The following KIFC2 variants were observed in gnomAD, a reference collection of about 807,000 sequenced individuals.
KIFC2 encodes kinesin-like protein KIFC2.
In KIFC2, 94 loss-of-function variants were observed where a neutral mutation model predicts 91.5. That is an observed-to-expected ratio of 1.03 (90% confidence interval 0.87 to 1.22). The LOEUF (loss-of-function observed/expected upper bound fraction) is 1.22, where lower values mean the gene tolerates loss of function less well. Among genes scored for constraint, KIFC2 ranks in the 50% most tolerant of loss-of-function variants. KIFC2 has a pLI of 0.00. For synonymous variants in KIFC2, 729 were observed against 503.9 expected (o/e 1.45, Z -5.98); for missense variants, 1,357 against 1,103.3 (o/e 1.23, Z -3.26).
Position 144,467,587 on chromosome 8 carries a change from A to C in KIFC2, c.572A>C (p.Asp191Ala). 8 of 1,602,986 alleles carry C rather than the reference A, an allele frequency of 5.0e-6. No homozygotes were observed. Among genetic ancestry groups the C allele is most frequent in the Non-Finnish European group, 6.8e-6 (8 of 1,174,290 alleles). Residue 191 changes from aspartate (D) to alanine (A), a missense_variant, in exon 5 of 18, where the codon GAT becomes GCT. Physicochemically the swap from Asp to Ala is moderately radical, Grantham distance 126. Coordinates refer to ENST00000645548, the MANE Select transcript of KIFC2 (RefSeq NM_001369769.2). ...CAGCAGCCCCTCCAGTTGGAGGAGG[A>C]TCAGAGGGCGTGGCAGCGGCTGGAG... ...QGQQPLQLEE[D>A]QRAWQRLEQL...
Position 144,466,601 on chromosome 8 carries a change from A to G in KIFC2, c.99+83A>G, listed in dbSNP as rs926241677. On this transcript the variant is annotated intron_variant, in intron 1 of 17. Coordinates refer to ENST00000645548, the MANE Select transcript of KIFC2 (RefSeq NM_001369769.2). Reference sequence around the variant, plus strand: ...CGAGGTTCCCGGGGCGGGGGCGGGCACGGGGCGCGGGGCGACGGGGCCGTG... The same window carrying G: ...CGAGGTTCCCGGGGCGGGGGCGGGCGCGGGGCGCGGGGCGACGGGGCCGTG... The G allele has an allele frequency of 2.6e-5, 22 of 846,516 alleles. No individual in the cohort carries two copies. The African/African-American group carries it at 3.0e-4, about 11-fold the overall frequency. 52.4% of individuals were successfully genotyped at this position (846,516 alleles called of 1,614,324 possible).
At position 144,468,384 on chromosome 8, in the gene KIFC2, C is replaced by A; in HGVS notation, c.866C>A (p.Thr289Asn). ...GGCCGGCTTCAGGAGGCCCAAGACA[C>A]CACAGAAGCCCTCCGAGCCCAGGTG... ...LQGRLQEAQD[T>N]TEALRAQLGV... The change falls in exon 8 of 18, where the codon ACC becomes AAC. Residue 289 changes from threonine (T) to asparagine (N), a missense_variant. Coordinates refer to ENST00000645548, the MANE Select transcript of KIFC2 (RefSeq NM_001369769.2). The A allele has an allele frequency of 6.2e-7, 1 of 1,612,976 alleles. No homozygotes were observed.
chr8:144,471,251 C>T (rs538669193), intron 12 of KIFC2, among the ~76,000 whole-genome samples: 6 of 151,976 alleles, frequency 3.9e-5, no homozygotes, highest in Non-Finnish European at 7.4e-5. Flanking sequence ...GCGTGAGCCA[C>T]CTCGCCCAGC....
rs900752912 is a variant in KIFC2 at position 144,472,849 on chromosome 8, C to T, written c.1916C>T (p.Ala639Val). 7 of 1,551,138 alleles carry T rather than the reference C, an allele frequency of 4.5e-6. No individual in the cohort carries two copies. The highest frequency in any genetic ancestry group is 1.7e-4 in the Middle Eastern group (1 of 5,716). ...TCCGAACGCGCACGGAAGGCAGGGG[C>T]GGCCGGCCCGCCGCGGGGAGACCCA... ...AGSERARKAG[A>V]AGPPRGDPDG... The change falls in exon 17 of 18, where the codon GCG (alanine) becomes GTG (valine). Residue 639 changes from alanine (A) to valine (V), a missense_variant. Transcript: ENST00000645548.
intron 15 of KIFC2, 27 bp from the exon 16 acceptor site, chr8:144,472,550 T>G (rs773012632): frequency 3.1e-6 from 5 of 1,611,898 alleles, no homozygotes; most frequent in Non-Finnish European, 3.4e-6. Flanking sequence ...ACCCTGCACC[T>G]GACCAGCCCT....
Position 144,469,335 on chromosome 8 carries a change from AAGGGCCCCCAGCCGGATGCCC to A in KIFC2, c.1184_1204del (p.Pro395_Gly401del), listed in dbSNP as rs761176198. The stretch of plus-strand genomic sequence containing the variant: ...GGCACTCAGCTCCCTGAGGGGCAGC[AAGGGCCCCCAGCCGGATGCCC>A]AGGGCGGCTGCCAGAACTCAAGGGT... On this transcript the variant is annotated inframe_deletion, in exon 11 of 18. Coordinates refer to ENST00000645548, the MANE Select transcript of KIFC2 (RefSeq NM_001369769.2). 2 of 1,608,238 alleles carry A rather than the reference AAGGGCCCCCAGCCGGATGCCC, an allele frequency of 1.2e-6. No individual in the cohort carries two copies. Among genetic ancestry groups the A allele is most frequent in the African/African-American group, 2.7e-5 (2 of 74,708 alleles).
At chr8:144,468,203 G>C in intron 7 of KIFC2, 126 bp from the exon 8 acceptor site, 1 of 1,049,794 alleles carries the variant, frequency 9.5e-7, no homozygotes, top group East Asian at 2.6e-5. Context: ...AAGGAGGTCT[G>C]CGTGGAGCTG....
rs1434468704 is a variant in KIFC2 at position 144,473,124 on chromosome 8, G to A, written c.2119-8G>A. On this transcript the variant is annotated splice_region_variant and splice_polypyrimidine_tract_variant and intron_variant, in intron 17 of 17. Coordinates refer to ENST00000645548, the MANE Select transcript of KIFC2 (RefSeq NM_001369769.2). ...CCGGGCCCGCCCACCCGCGCCTCTT[G>A]CCCGCAGATCTCCACGCGGCCGGAG... The A allele has an allele frequency of 2.1e-6, 3 of 1,400,102 alleles. No individual in the cohort carries two copies. Among genetic ancestry groups the A allele is most frequent in the East Asian group, 2.6e-5 (1 of 37,926 alleles). 86.7% of individuals were successfully genotyped at this position (1,400,102 alleles called of 1,614,324 possible). A position where few individuals can be genotyped will look rare whatever the true frequency, so the allele number is the denominator to read the frequency against.
chr8:144,471,232 G>C (rs985107511), intron 12 of KIFC2, among the ~76,000 whole-genome samples: 4 of 151,848 alleles, frequency 2.6e-5, no homozygotes, highest in Non-Finnish European at 5.9e-5. Flanking sequence ...CAAAGTGCTG[G>C]GTTTACAGGC....
At position 144,472,227 on chromosome 8, in the gene KIFC2, C is replaced by G. The variant is rs772568227; in HGVS notation, c.1575C>G (p.Leu525=). The G allele has an allele frequency of 1.9e-6, 3 of 1,613,010 alleles. No individual in the cohort carries two copies. The highest frequency in any genetic ancestry group is 2.2e-5 in the East Asian group (1 of 44,832). ...MGAGRQHRVT[L]SMVEIYNEAV... is the part of the protein sequence containing the mutation. Reference sequence around the variant, plus strand: ...CCGGCCGGCAGCACCGGGTGACACTCAGCATGGTGGAGATCTACAATGAGG... The same window carrying G: ...CCGGCCGGCAGCACCGGGTGACACTGAGCATGGTGGAGATCTACAATGAGG... Residue 525 remains leucine, a synonymous_variant, in exon 14 of 18, where the codon CTC becomes CTG. Coordinates refer to ENST00000645548, the MANE Select transcript of KIFC2 (RefSeq NM_001369769.2).
chr8:144,467,065 G>T lies in KIFC2; in HGVS notation c.285G>T (p.Gln95His), dbSNP rs1025194769. 4 of 1,596,248 alleles carry T rather than the reference G, an allele frequency of 2.5e-6. No homozygotes were observed. The African/African-American group carries it at 4.0e-5, about 16-fold the overall frequency. The change falls in exon 3 of 18, where the codon CAG (glutamine) becomes CAT (histidine). Residue 95 changes from glutamine to histidine, a missense_variant. Coordinates refer to ENST00000645548, the MANE Select transcript of KIFC2 (RefSeq NM_001369769.2). ...LLRLAEFLSV[Q>H]LGAEESCGGP... ...GCCTCGCCGAGTTCCTCTCCGTCCA[G>T]CTGGGGGCGGAAGAGAGCTGCGGGG...
Position 144,473,391 on chromosome 8 carries a change from C to A in KIFC2, c.*2C>A, listed in dbSNP as rs747908403. 1 of 1,576,310 alleles carries A rather than the reference C, an allele frequency of 6.3e-7. No homozygotes were observed. Among genetic ancestry groups the A allele is most frequent in the Admixed American group, 1.8e-5 (1 of 55,896 alleles). Reference sequence around the variant, plus strand: ...CCCGCAGAGGGCCTGCCCCTCTAGTCCTGGGTCGCGGCCCTGCCCATGGGG... The same window carrying A: ...CCCGCAGAGGGCCTGCCCCTCTAGTACTGGGTCGCGGCCCTGCCCATGGGG... On this transcript the variant is annotated 3_prime_UTR_variant, in exon 18 of 18. Transcript: ENST00000645548.
intron 12 of KIFC2, among the ~76,000 whole-genome samples, chr8:144,471,045 C>T (rs1824903612): frequency 6.6e-6 from 1 of 151,546 alleles, no homozygotes; most frequent in Non-Finnish European, 1.5e-5. Context: ...CTCACTGCAA[C>T]CTCCGCCTCC....
In KIFC2 at chr8:144,469,733, T is replaced by C. The variant is rs1340155147; in HGVS notation, c.1380+86T>C. The C allele has an allele frequency of 2.1e-6, 3 of 1,463,234 alleles. No individual in the cohort carries two copies. The Admixed American group carries it at 6.8e-5, about 33-fold the overall frequency. The allele number at this position is 1,463,234 out of a possible 1,614,324, so 90.6% of individuals were successfully genotyped here. On this transcript the variant is annotated intron_variant, in intron 12 of 17. Coordinates refer to ENST00000645548, the MANE Select transcript of KIFC2 (RefSeq NM_001369769.2). ...AGGCTCCAGTTTCCCCTTCCCAGTC[T>C]GGGTGTCCACCTGGAGGAGAGAGGG... is the stretch of plus-strand genomic sequence containing the variant.
chr8:144,468,183 G>A (rs1055590503), intron 7 of KIFC2, 146 bp from the exon 8 acceptor site: 157 of 1,017,694 alleles, frequency 1.5e-4, no homozygotes, highest in Admixed American at 3.5e-4. Flanking sequence ...GAGAGCAGAG[G>A]GACTGTGGGA....
rs149014984 is a variant in KIFC2 at position 144,468,385 on chromosome 8, C to G, written c.867C>G (p.Thr289=). Residue 289 remains threonine (T), a synonymous_variant, in exon 8 of 18, where the codon ACC becomes ACG. Coordinates refer to ENST00000645548, the MANE Select transcript of KIFC2 (RefSeq NM_001369769.2). ...LQGRLQEAQD[T]TEALRAQLGV... ...GCCGGCTTCAGGAGGCCCAAGACAC[C>G]ACAGAAGCCCTCCGAGCCCAGGTGG... is the stretch of plus-strand genomic sequence containing the variant. 31 of 1,612,844 alleles carry G rather than the reference C, an allele frequency of 1.9e-5. No homozygotes were observed. In the Admixed American group the frequency reaches 5.2e-4, roughly 27 times the overall value.
At position 144,473,779 on chromosome 8, in the gene KIFC2, C is replaced by T. The variant is rs1825044428; in HGVS notation, c.*390C>T. ...ACTGTTATCCCCCCCACCACCAGGACCATGTAGGGTGCAGTCTTTACTCCC... is the reference window on the plus strand; with the variant it reads ...ACTGTTATCCCCCCCACCACCAGGATCATGTAGGGTGCAGTCTTTACTCCC... On this transcript the variant is annotated 3_prime_UTR_variant, in exon 18 of 18. Transcript: ENST00000645548. The T allele has an allele frequency of 5.1e-6, 2 of 390,760 alleles. No homozygotes were observed. The allele number at this position is 390,760 out of a possible 1,614,324, so 24.2% of individuals were successfully genotyped here. A position where few individuals can be genotyped will look rare whatever the true frequency, so the allele number is the denominator to read the frequency against.
intron 13 of KIFC2, 23 bp downstream of exon 13, chr8:144,472,069 G>C (rs1465734143): frequency 1.9e-6 from 3 of 1,613,416 alleles, no homozygotes; most frequent in African/African-American, 2.7e-5. Flanking sequence ...TCACGCCCCA[G>C]TGGGAGAGGC....
At chr8:144,471,594 C>G (rs1484972538) in intron 12 of KIFC2, among the ~76,000 whole-genome samples, 1 of 152,090 alleles carries the variant, frequency 6.6e-6, no homozygotes, top group Non-Finnish European at 1.5e-5. Flanking sequence ...ATTTATTTTT[C>G]TTTTTTTCAC....
Sources: gnomAD v4.1 joint callset for allele counts (sites outside exome capture counted in the v4.1 genomes callset) on GRCh38, gnomAD v4.1.1 for gene constraint, MANE v1.5 for transcripts, NCBI Gene and HGNC (gene_info 2026-07-23, HGNC 2026-07-21) for gene names.